The following TNS1 variants were observed in gnomAD, a reference collection of about 807,000 sequenced individuals.
TNS1 encodes the protein tensin-1.
A neutral mutation model predicts 168.6 loss-of-function variants in TNS1; 62 were observed. The observed-to-expected ratio is 0.37, with a 90% CI of 0.30 to 0.45. The LOEUF (loss-of-function observed/expected upper bound fraction) is 0.45. Ranked by LOEUF, TNS1 falls within the 20% of genes least tolerant of loss-of-function variation. TNS1 has a pLI of 1.00. For missense variants in TNS1, 2,240 were observed against 2,339.4 expected (o/e 0.96, Z 0.88); for synonymous variants, 934 against 933.2 (o/e 1.00, Z -0.02).
chr2:217,942,078 C>A (rs1956940084), intron 3 of TNS1, among the ~76,000 whole-genome samples: 2 of 152,212 alleles, frequency 1.3e-5, no homozygotes, highest in South Asian at 4.1e-4. Flanking sequence ...ACTTCCTGGA[C>A]ACCACCACCT....
chr2:217,886,210 G>A, intron 13 of TNS1, 106 bp from the exon 14 acceptor site: 1 of 1,237,902 alleles, frequency 8.1e-7, no homozygotes, highest in Non-Finnish European at 1.2e-6. Flanking sequence ...AGAAATGGGG[G>A]AAGACGGGGT....
chr2:217,929,098 G>T (rs972949604), intron 3 of TNS1, among the ~76,000 whole-genome samples: 2 of 150,680 alleles, frequency 1.3e-5, no homozygotes, highest in Admixed American at 6.6e-5. Context: ...AACTCGGGGG[G>T]ACCAGCAGGC....
rs1559289425 is a variant in TNS1 at position 217,880,039 on chromosome 2, A to C, written c.1429+859T>G. ...ATGGGTGATGGGCTGGACCATCCTG[A>C]AGGTCCTCCCAGCTCCAACATTCTG... On this transcript the variant is annotated intron_variant, in intron 18 of 32. Transcript: ENST00000682258. This position sits in a 1 kb window ranked among gnomAD's most constrained non-coding sequence, Gnocchi z 4.2. Among the ~76,000 whole-genome samples the C allele has an allele frequency of 6.6e-6, 1 of 152,194 alleles. No homozygotes were observed. Among genetic ancestry groups the C allele is most frequent in the Non-Finnish European group, 1.5e-5 (1 of 68,032 alleles).
At chr2:217,895,584 C>T (rs12616228) in intron 8 of TNS1, among the ~76,000 whole-genome samples, 3,112 of 152,300 alleles carry the variant, frequency 0.02, 73 homozygotes, top group East Asian at 0.12. Context: ...AGAACCTCAT[C>T]CCATGAGGTT....
chr2:217,929,549 A>G lies in TNS1; in HGVS notation c.187-9313T>C, dbSNP rs554176177. Among the ~76,000 whole-genome samples, 221 of 152,206 alleles carry G rather than the reference A, an allele frequency of 1.5e-3. 1 individual carries two copies. Among genetic ancestry groups the G allele is most frequent in the African/African-American group, 4.9e-3 (204 of 41,516 alleles). On this transcript the variant is annotated intron_variant, in intron 3 of 32. Coordinates refer to ENST00000682258, the MANE Select transcript of TNS1 (RefSeq NM_001387777.1). ...ACAGGGAAGCACCAGCAGGGGTCAG[A>G]GGGCACGGAGGGGCCCAGGGCATGA... is the stretch of plus-strand genomic sequence containing the variant.
rs763059354 is a variant in TNS1 at position 217,809,899 on chromosome 2, C to T, written c.5197G>A (p.Asp1733Asn). The T allele has an allele frequency of 6.2e-7, 1 of 1,613,598 alleles. No individual in the cohort carries two copies. The highest frequency in any genetic ancestry group is 1.7e-5 in the Admixed American group (1 of 59,990). ...ACGATGGTGGCAGCTGGCGTGGGGTCTGCAGCCAACGTCTCAGATGTGGCT... is the reference window on the plus strand; with the variant it reads ...ACGATGGTGGCAGCTGGCGTGGGGTTTGCAGCCAACGTCTCAGATGTGGCT... ...SKATSETLAADPTPAATIVHF... is the reference protein window; with the variant it reads ...SKATSETLAANPTPAATIVHF... The change falls in exon 30 of 33, where the codon GAC becomes AAC. Residue 1733 changes from aspartate (D) to asparagine (N), a missense_variant. Around this residue, in one of 2 missense-constraint regions of TNS1, gnomAD observed 109 missense variants for 168.1 expected, o/e 0.65. Transcript: ENST00000682258.
At chr2:217,907,432 G>A (rs1953845010) in intron 4 of TNS1, among the ~76,000 whole-genome samples, 181 bp from the exon 5 acceptor site, 1 of 152,194 alleles carries the variant, frequency 6.6e-6, no homozygotes, top group Non-Finnish European at 1.5e-5. Context: ...TTTGACATGT[G>A]GAAAACCATC....
At chr2:217,927,176 G>A (rs1479076675) in intron 3 of TNS1, among the ~76,000 whole-genome samples, 1 of 152,180 alleles carries the variant, frequency 6.6e-6, no homozygotes, top group East Asian at 1.9e-4. Context: ...GGTTTTGAAA[G>A]GTAGAGATGG....
intron 1 of TNS1, among the ~76,000 whole-genome samples, chr2:218,028,500 A>C (rs901061080): frequency 6.6e-6 from 1 of 152,218 alleles, no homozygotes; most frequent in African/African-American, 2.4e-5. Context: ...CAGATGTCAC[A>C]GGTTCTTTGC....
intron 18 of TNS1, among the ~76,000 whole-genome samples, chr2:217,853,634 G>C (rs1947788892): frequency 6.6e-6 from 1 of 152,150 alleles, no homozygotes; most frequent in Admixed American, 6.5e-5. Context: ...ATCTCTCCAT[G>C]GCCCCACTGT....
intron 3 of TNS1, among the ~76,000 whole-genome samples, chr2:217,946,967 T>TCACACACACACACACACA (rs1377730479): frequency 8.0e-6 from 1 of 125,284 alleles, no homozygotes; most frequent in African/African-American, 3.8e-5. Flanking sequence ...TCTCTCTCTC[T>TCACACACACACACACACA]CTCACACACA....
chr2:218,012,266 G>A (rs929519094), upstream of TNS1, among the ~76,000 whole-genome samples: 5 of 152,224 alleles, frequency 3.3e-5, no homozygotes, highest in African/African-American at 1.2e-4. Context: ...ATAGGAGGAA[G>A]TTATTCAGAC....
intron 21 of TNS1, among the ~76,000 whole-genome samples, chr2:217,833,146 C>A (rs1944683727): frequency 6.6e-6 from 1 of 152,244 alleles, no homozygotes; most frequent in Non-Finnish European, 1.5e-5. Context: ...GCAGCCCCAG[C>A]CCACAGGTAC....
chr2:217,878,485 G>T (rs75023602), intron 18 of TNS1, among the ~76,000 whole-genome samples: 1 of 152,092 alleles, frequency 6.6e-6, no homozygotes, highest in African/African-American at 2.4e-5. Flanking sequence ...TCCCCATTTG[G>T]ACATAATAAG....
rs780226589 is a variant in TNS1, at chr2:217,847,766, A to G, written c.2751T>C (p.Ser917=). 11 of 1,608,210 alleles carry G rather than the reference A, an allele frequency of 6.8e-6. No individual in the cohort carries two copies. The highest frequency in any genetic ancestry group is 9.4e-6 in the Non-Finnish European group (11 of 1,175,452). Residue 917 remains serine (S), a synonymous_variant, in exon 19 of 33, where the codon TCT becomes TCC. Transcript: ENST00000682258. ...ATGGCTGATAGTCATAAGGTGAGTA[A>G]GACCTGCCAGGAGGGACAGACTCCA... ...ASLESVPPGR[S]YSPYDYQPCL... is the part of the protein sequence containing the mutation.
chr2:217,800,913 C>T lies in TNS1; in HGVS notation c.*3546G>A, dbSNP rs1559120168. 1 of 152,222 alleles carries T rather than the reference C, an allele frequency of 6.6e-6. No individual in the cohort carries two copies. Among genetic ancestry groups the T allele is most frequent in the Non-Finnish European group, 1.5e-5 (1 of 68,074 alleles). 9.4% of individuals were successfully genotyped at this position (152,222 alleles called of 1,614,324 possible). A position where few individuals can be genotyped will look rare whatever the true frequency, so the allele number is the denominator to read the frequency against. ...CCTGCACAGGCTCATCAGAACAAGG[C>T]AGAATCTCCTACTCACTAACCTCCT... is the stretch of plus-strand genomic sequence containing the variant. On this transcript the variant is annotated 3_prime_UTR_variant, in exon 33 of 33. Coordinates refer to ENST00000682258, the MANE Select transcript of TNS1 (RefSeq NM_001387777.1).
At chr2:218,024,438 T>C (rs929799993) in intron 1 of TNS1, among the ~76,000 whole-genome samples, 2 of 152,152 alleles carry the variant, frequency 1.3e-5, no homozygotes, top group Non-Finnish European at 2.9e-5. Context: ...AGAGGCTGTC[T>C]GGGTGCCTCA....
intron 18 of TNS1, among the ~76,000 whole-genome samples, chr2:217,876,531 G>A (rs1232705624): frequency 6.6e-6 from 1 of 152,138 alleles, no homozygotes; most frequent in Non-Finnish European, 1.5e-5. Flanking sequence ...CAGGATCAAA[G>A]GCCTGGGGCA....
intron 4 of TNS1, among the ~76,000 whole-genome samples, chr2:217,919,221 T>G (rs1407551176): frequency 1.3e-5 from 2 of 152,124 alleles, no homozygotes; most frequent in Non-Finnish European, 2.9e-5. Context: ...TGGATATTGA[T>G]GAAAGGAAGG....
Sources: allele counts gnomAD v4.1 joint callset (sites outside exome capture counted in the v4.1 genomes callset), GRCh38; gene constraint gnomAD v4.1.1; regional missense constraint gnomAD v4.1.1; non-coding constraint Gnocchi (gnomAD v3.1); transcripts MANE v1.5; gene names NCBI Gene and HGNC (gene_info 2026-07-23, HGNC 2026-07-21).